The following TIMMDC1 variants were observed in gnomAD, a reference collection of about 807,000 sequenced individuals.
TIMMDC1 encodes the protein complex I assembly factor TIMMDC1, mitochondrial.
Under a neutral mutation model 32.6 loss-of-function variants are expected in TIMMDC1, and 25 were observed. The ratio of observed to expected loss-of-function variants is 0.77; its 90% CI spans 0.56 to 1.07. The LOEUF is 1.07. Ranked by LOEUF, TIMMDC1 falls within the 50% of genes least tolerant of loss-of-function variation. TIMMDC1 has a pLI of 0.00. For synonymous variants in TIMMDC1, 130 were observed against 127.6 expected (o/e 1.02, Z -0.13); for missense variants, 329 against 349.2 (o/e 0.94, Z 0.46).
At chr3:119,499,549 C>G (rs549335772) in intron 1 of TIMMDC1, among the ~76,000 whole-genome samples, 1 of 152,004 alleles carries the variant, frequency 6.6e-6, no homozygotes, top group Non-Finnish European at 1.5e-5. Flanking sequence ...TCCAGAGTAG[C>G]TGGGATTACA....
At chr3:119,515,204 ATC>A (rs1239850520) in intron 5 of TIMMDC1, among the ~76,000 whole-genome samples, 2 of 67,494 alleles carry the variant, frequency 3.0e-5, no homozygotes, top group African/African-American at 1.2e-4. Flanking sequence ...GTAAGACTCC[ATC>A]TCAAAAAAAA....
At chr3:119,506,079 T>G (rs2081917285) in intron 4 of TIMMDC1, among the ~76,000 whole-genome samples, 1 of 152,232 alleles carries the variant, frequency 6.6e-6, no homozygotes, top group Admixed American at 6.5e-5. Context: ...AATGAAAACT[T>G]TTTAAAATAC....
intron 4 of TIMMDC1, among the ~76,000 whole-genome samples, chr3:119,511,947 T>C (rs563518938): frequency 1.3e-5 from 2 of 152,220 alleles, no homozygotes; most frequent in Non-Finnish European, 1.5e-5. Flanking sequence ...GGAAAATAAG[T>C]TTATGCATCC....
At chr3:119,506,280 T>C (rs1030407520) in intron 4 of TIMMDC1, among the ~76,000 whole-genome samples, 3 of 152,188 alleles carry the variant, frequency 2.0e-5, no homozygotes, top group African/African-American at 7.2e-5. Flanking sequence ...ACCAGCACTT[T>C]GGGAGGCCAA....
intron 6 of TIMMDC1, among the ~76,000 whole-genome samples, chr3:119,520,200 C>T (rs1214328686): frequency 6.6e-6 from 1 of 151,996 alleles, no homozygotes; most frequent in East Asian, 1.9e-4. Flanking sequence ...CCTCAGGGAA[C>T]TCGAAAAGCA....
rs1447303866 is a variant in TIMMDC1, at chr3:119,503,512, A to C, written c.361-20A>C. The C allele has an allele frequency of 1.3e-6, 2 of 1,576,350 alleles. No homozygotes were observed. Among genetic ancestry groups the C allele is most frequent in the Non-Finnish European group, 1.7e-6 (2 of 1,162,718 alleles). ...ATATGATGGTGTCTTAGAACCTCAC[A>C]GTTTTTTAATTAACTTTAGCAATCT... On this transcript the variant is annotated intron_variant, in intron 2 of 6. Coordinates refer to ENST00000494664, the MANE Select transcript of TIMMDC1 (RefSeq NM_016589.4).
At chr3:119,503,055 ATTC>A (rs1392414346) in intron 2 of TIMMDC1, among the ~76,000 whole-genome samples, 2 of 152,044 alleles carry the variant, frequency 1.3e-5, no homozygotes, top group African/African-American at 4.8e-5. Flanking sequence ...GGACTCATGG[ATTC>A]TTATTTTATT....
At chr3:119,499,112 C>T (rs1398309822) in intron 1 of TIMMDC1, among the ~76,000 whole-genome samples, 185 bp downstream of exon 1, 1 of 127,680 alleles carries the variant, frequency 7.8e-6, no homozygotes, top group Non-Finnish European at 1.7e-5. Flanking sequence ...TTTTTTTTTC[C>T]AGACAGGGTC....
intron 4 of TIMMDC1, 107 bp downstream of exon 4, chr3:119,504,128 C>T (rs2081900016): frequency 2.5e-6 from 2 of 812,222 alleles, no homozygotes; most frequent in Non-Finnish European, 4.1e-6. Context: ...CTTCCCATTA[C>T]ATCTCATCAA....
At chr3:119,513,249 A>T (rs921220998) in intron 4 of TIMMDC1, among the ~76,000 whole-genome samples, 24 of 152,220 alleles carry the variant, frequency 1.6e-4, no homozygotes, top group African/African-American at 5.1e-4. Context: ...CAGTACAGAG[A>T]GAGTGAGTCT....
chr3:119,500,980 T>A, intron 2 of TIMMDC1, 120 bp downstream of exon 2: 2 of 1,001,964 alleles, frequency 2.0e-6, no homozygotes, highest in South Asian at 3.4e-5. Context: ...AGTAAAGAAA[T>A]AAAGTCTGTA....
chr3:119,507,771 T>G (rs1335436776), intron 4 of TIMMDC1, among the ~76,000 whole-genome samples: 1 of 152,222 alleles, frequency 6.6e-6, no homozygotes, highest in Non-Finnish European at 1.5e-5. Flanking sequence ...GGAATTATGG[T>G]AAATAGGTCT....
chr3:119,522,857 A>G (rs1456270470), intron 6 of TIMMDC1, among the ~76,000 whole-genome samples: 2 of 151,752 alleles, frequency 1.3e-5, no homozygotes, highest in African/African-American at 4.8e-5. Context: ...AAGGAGAGTT[A>G]ATAAACGTTT....
At chr3:119,513,004 G>T (rs546322806) in intron 4 of TIMMDC1, among the ~76,000 whole-genome samples, 1 of 152,200 alleles carries the variant, frequency 6.6e-6, no homozygotes. Flanking sequence ...GCCTCCCAAA[G>T]TGTTGGGATT....
intron 3 of TIMMDC1, 41 bp downstream of exon 3, chr3:119,503,661 T>A: frequency 6.6e-7 from 1 of 1,509,070 alleles, no homozygotes; most frequent in Non-Finnish European, 9.0e-7. Flanking sequence ...ATTTTCTTGA[T>A]ATTGTTTTAG....
At chr3:119,503,909 A>G in intron 3 of TIMMDC1, 45 bp from the exon 4 acceptor site, 1 of 1,492,798 alleles carries the variant, frequency 6.7e-7, no homozygotes, top group Middle Eastern at 1.7e-4. Flanking sequence ...GGTAAATGGG[A>G]TATGCTTTAA....
rs186840495 is a variant in TIMMDC1 at position 119,509,755 on chromosome 3, G to A, written c.518-3886G>A. 5.3e-5 allele frequency among the ~76,000 whole-genome samples: 8 copies of A among 149,918 alleles called. No individual in the cohort carries two copies. The East Asian group carries it at 9.8e-4, about 18-fold the overall frequency. On this transcript the variant is annotated intron_variant, in intron 4 of 6. Transcript: ENST00000494664. ...GGCTGGAGTGCAGTGGTGCGATCTC[G>A]GCTCGCTGCAACCTCCACCTTCCGG...
At position 119,498,931 on chromosome 3, in the gene TIMMDC1, A is replaced by C. The variant is rs1175474452; in HGVS notation, c.194+4A>C. On this transcript the variant is annotated splice_donor_region_variant and intron_variant, in intron 1 of 6. Transcript: ENST00000494664. ...TCCGGGAGCTGTTTGGCAAAGAGTA[A>C]AAGTGCCTAGGGTGTGAAGTGGGGT... 6.2e-7 allele frequency: 1 copy of C among 1,613,952 alleles called. No homozygotes were observed. The highest frequency in any genetic ancestry group is 1.1e-5 in the South Asian group (1 of 91,076).
intron 4 of TIMMDC1, among the ~76,000 whole-genome samples, chr3:119,511,092 T>A (rs1426844794): frequency 1.3e-5 from 2 of 151,920 alleles, no homozygotes; most frequent in South Asian, 2.1e-4. Context: ...TTTTTCTTAA[T>A]TTTTTTTGAT....
Sources: allele counts gnomAD v4.1 joint callset (sites outside exome capture counted in the v4.1 genomes callset), GRCh38; gene constraint gnomAD v4.1.1; transcripts MANE v1.5; gene names NCBI Gene and HGNC (gene_info 2026-07-23, HGNC 2026-07-21).